Variants in TLL2 observed in about 807,000 individuals in gnomAD.
TLL2 encodes tolloid-like protein 2.
Under a neutral mutation model 123.0 loss-of-function variants are expected in TLL2, and 106 were observed. The observed-to-expected ratio is 0.86, with a 90% confidence interval of 0.74 to 1.01. TLL2 has a LOEUF of 1.01. Among genes scored for constraint, TLL2 ranks in the 50% least tolerant of loss-of-function variants. The pLI, the probability that TLL2 is intolerant of heterozygous loss-of-function variation, is 0.00. For missense variants in TLL2, 1,332 were observed against 1,336.7 expected, an observed-to-expected ratio of 1.00 and a Z score of 0.06; for synonymous variants, 494 against 516.8, an observed-to-expected ratio of 0.96 and a Z score of 0.60.
chr10:96,369,750 G>T (rs1382366954), intron 20 of TLL2, among the ~76,000 whole-genome samples: 1 of 149,588 alleles, frequency 6.7e-6, no homozygotes, highest in African/African-American at 2.5e-5. Flanking sequence ...CCGTCTCGGG[G>T]GAAAAAAAAG....
At chr10:96,388,832 T>C (rs78389916) in intron 13 of TLL2, among the ~76,000 whole-genome samples, 3,782 of 152,308 alleles carry the variant, frequency 0.025, 165 homozygotes, top group African/African-American at 0.086. Flanking sequence ...ATCCCATCAT[T>C]TCACATAGGG....
chr10:96,410,267 G>A, intron 9 of TLL2, 92 bp downstream of exon 9: 1 of 889,996 alleles, frequency 1.1e-6, no homozygotes, highest in Non-Finnish European at 1.8e-6. Flanking sequence ...TAACCGAACA[G>A]CTGTTATTTT....
At chr10:96,493,150 T>C (rs1057031503) in intron 1 of TLL2, among the ~76,000 whole-genome samples, 3 of 152,152 alleles carry the variant, frequency 2.0e-5, no homozygotes, top group Admixed American at 2.0e-4. Flanking sequence ...ACCCGTGCAA[T>C]GTGCATCATC....
chr10:96,412,257 A>G (rs730596), intron 8 of TLL2, among the ~76,000 whole-genome samples: 13,914 of 152,164 alleles, frequency 0.091, 792 homozygotes, highest in African/African-American at 0.14. Flanking sequence ...CCTGCTTAGT[A>G]AGGTAATGTG....
intron 2 of TLL2, among the ~76,000 whole-genome samples, chr10:96,472,411 G>C (rs898373080): frequency 6.6e-5 from 10 of 152,218 alleles, no homozygotes; most frequent in African/African-American, 2.2e-4. Context: ...CTTGGGGAAT[G>C]TCTGCACAGG....
intron 15 of TLL2, among the ~76,000 whole-genome samples, chr10:96,385,725 C>A (rs994460887): frequency 6.6e-6 from 1 of 152,188 alleles, no homozygotes; most frequent in Non-Finnish European, 1.5e-5. Context: ...ATTCTCACCC[C>A]CTTTATTCGC....
At chr10:96,382,086 G>A (rs1371214808) in intron 16 of TLL2, among the ~76,000 whole-genome samples, 1 of 147,436 alleles carries the variant, frequency 6.8e-6, no homozygotes, top group East Asian at 2.0e-4. Context: ...TTTTTTTTTT[G>A]AGACGGCATC....
In TLL2 at chr10:96,365,544, C is replaced by A. The variant is rs1056142686; in HGVS notation, c.*2544G>T. 1.3e-5 allele frequency: 2 copies of A among 152,216 alleles called. No homozygotes were observed. The highest frequency in any genetic ancestry group is 4.8e-5 in the African/African-American group (2 of 41,450). 9.4% of individuals were successfully genotyped at this position (152,216 alleles called of 1,614,324 possible). A position where few individuals can be genotyped will look rare whatever the true frequency, so the allele number is the denominator to read the frequency against. ...CACTGTCATCCCCAAAGCTTGGTAC[C>A]CAATTAAAGCACAAAGCAGGCTGCA... is the stretch of plus-strand genomic sequence containing the variant. On this transcript the variant is annotated 3_prime_UTR_variant, in exon 21 of 21. Transcript: ENST00000357947.
chr10:96,398,858 T>C (rs1047489819), intron 10 of TLL2, among the ~76,000 whole-genome samples: 1 of 148,094 alleles, frequency 6.8e-6, no homozygotes, highest in Non-Finnish European at 1.5e-5. Context: ...TTTGGAGTGA[T>C]GAAAATATTC....
chr10:96,395,191 G>A lies in TLL2; in HGVS notation c.1722C>T (p.Phe574=). The A allele has an allele frequency of 6.2e-7, 1 of 1,602,208 alleles. No homozygotes were observed. Among genetic ancestry groups the A allele is most frequent in the East Asian group, 2.2e-5 (1 of 44,548 alleles). Residue 574 remains phenylalanine, a synonymous_variant, in exon 13 of 21, where the codon TTC becomes TTT. Transcript: ENST00000357947. The part of the protein sequence containing the change: ...INKAGFAANF[F]KEVDECSWPD... ...AAACAAACTGCTAATTCATACCCTTGAAAAAATTGGCTGCAAAGCCCGCTT... is the reference window on the plus strand; with the variant it reads ...AAACAAACTGCTAATTCATACCCTTAAAAAAATTGGCTGCAAAGCCCGCTT...
chr10:96,485,923 A>G (rs1847350846), intron 1 of TLL2, among the ~76,000 whole-genome samples: 1 of 152,206 alleles, frequency 6.6e-6, no homozygotes, highest in Non-Finnish European at 1.5e-5. Context: ...GGCAATGGCA[A>G]TGGCAGGCAA....
intron 1 of TLL2, among the ~76,000 whole-genome samples, chr10:96,491,382 C>CA (rs56077935): frequency 2.5e-4 from 32 of 129,794 alleles, no homozygotes; most frequent in African/African-American, 7.7e-4. Flanking sequence ...AACTCTGTCT[C>CA]AAAAAAAAAA....
intron 2 of TLL2, among the ~76,000 whole-genome samples, chr10:96,479,594 C>T (rs1847291257): frequency 6.6e-6 from 1 of 152,220 alleles, no homozygotes; most frequent in Non-Finnish European, 1.5e-5. Context: ...CTGCAGAGAG[C>T]AGTGGGAGAG....
At chr10:96,369,968 G>A in intron 20 of TLL2, 97 bp downstream of exon 20, 1 of 1,459,968 alleles carries the variant, frequency 6.8e-7, no homozygotes, top group Non-Finnish European at 9.0e-7. Context: ...CCTAAGTGGA[G>A]TAGGTGGCCG....
intron 2 of TLL2, among the ~76,000 whole-genome samples, chr10:96,464,913 C>G (rs1487048789): frequency 2.0e-5 from 3 of 152,250 alleles, no homozygotes; most frequent in African/African-American, 7.2e-5. Flanking sequence ...GTCTTTCTCA[C>G]TACCTGATTT....
intron 2 of TLL2, among the ~76,000 whole-genome samples, chr10:96,447,662 T>C (rs1448407021): frequency 6.6e-6 from 1 of 152,206 alleles, no homozygotes; most frequent in Non-Finnish European, 1.5e-5. Flanking sequence ...GAGAGACTAT[T>C]ACACACACGA....
At chr10:96,391,734 G>T (rs1846290913) in intron 13 of TLL2, among the ~76,000 whole-genome samples, 1 of 152,236 alleles carries the variant, frequency 6.6e-6, no homozygotes, top group Admixed American at 6.5e-5. Context: ...AGGTCTAGAT[G>T]AGGTTTCTGT....
intron 7 of TLL2, among the ~76,000 whole-genome samples, chr10:96,418,052 C>T (rs1436245043): frequency 1.3e-5 from 2 of 152,156 alleles, no homozygotes; most frequent in South Asian, 4.1e-4. Context: ...CTGCTGATCT[C>T]CCTCCTAGAG....
intron 1 of TLL2, among the ~76,000 whole-genome samples, chr10:96,480,782 T>A (rs1847305665): frequency 6.6e-6 from 1 of 152,272 alleles, no homozygotes; most frequent in African/African-American, 2.4e-5. Flanking sequence ...TGCTTCTTTC[T>A]TCTTTATGGT....
Sources: allele counts gnomAD v4.1 joint callset (sites outside exome capture counted in the v4.1 genomes callset), GRCh38; gene constraint gnomAD v4.1.1; transcripts MANE v1.5; gene names NCBI Gene and HGNC (gene_info 2026-07-23, HGNC 2026-07-21).